The following KIAA1549L variants were observed in gnomAD, a reference collection of about 807,000 sequenced individuals.
KIAA1549L encodes KIAA1549 like.
Under a neutral mutation model 160.7 loss-of-function variants are expected in KIAA1549L, and 88 were observed. That is an observed-to-expected ratio of 0.55 (90% confidence interval 0.46 to 0.65). KIAA1549L has a LOEUF of 0.65. KIAA1549L is among the 30% of genes least tolerant of loss of function. KIAA1549L has a pLI of 0.00. For missense variants in KIAA1549L, 2,258 were observed against 2,437.5 expected (o/e 0.93, Z 1.55); for synonymous variants, 950 against 976.7 (o/e 0.97, Z 0.51).
chr11:33,433,874 T>TG (rs1408875491), intron 1 of KIAA1549L, among the ~76,000 whole-genome samples: 1 of 151,790 alleles, frequency 6.6e-6, no homozygotes, highest in African/African-American at 2.4e-5. Flanking sequence ...CACTCATAAG[T>TG]GGGAGTTGAA....
Position 33,658,897 on chromosome 11 carries a change from A to G in KIAA1549L, c.6006A>G (p.Ser2002=). Residue 2002 remains serine (S), a splice_region_variant and synonymous_variant, in exon 19 of 21, where the codon TCA becomes TCG. Coordinates refer to ENST00000658780, the MANE Select transcript of KIAA1549L (RefSeq NM_012194.3). The part of the protein sequence containing the change: ...TQLDQSALNY[S]GNTVPAVFAI... ...TGGATCAGTCGGCTTTAAATTACTCAGGTGGGCAAGAGAAAAGCCCGAGTG... is the reference window on the plus strand; with the variant it reads ...TGGATCAGTCGGCTTTAAATTACTCGGGTGGGCAAGAGAAAAGCCCGAGTG... 6.5e-7 allele frequency: 1 copy of G among 1,549,456 alleles called. No homozygotes were observed. Among genetic ancestry groups the G allele is most frequent in the Non-Finnish European group, 8.7e-7 (1 of 1,145,932 alleles).
At chr11:33,496,114 C>T (rs1385471949) in intron 1 of KIAA1549L, among the ~76,000 whole-genome samples, 6 of 152,128 alleles carry the variant, frequency 3.9e-5, no homozygotes. Flanking sequence ...CAGGCTCCTG[C>T]CACTACACCT....
Position 33,655,704 on chromosome 11 carries a change from C to T in KIAA1549L, c.5761-308C>T, listed in dbSNP as rs763798349. On this transcript the variant is annotated intron_variant, in intron 17 of 20. Transcript: ENST00000658780. The stretch of plus-strand genomic sequence containing the variant: ...CTGGGGCTGGATGAATGAAATGAAG[C>T]GTGAAGCCCTGGGAAGAATGGTGAG... Among the ~76,000 whole-genome samples the T allele has an allele frequency of 3.6e-4, 54 of 152,034 alleles. No individual in the cohort carries two copies. The Middle Eastern group carries it at 0.017, about 48-fold the overall frequency.
intron 1 of KIAA1549L, among the ~76,000 whole-genome samples, chr11:33,475,754 G>A (rs1852272814): frequency 6.6e-6 from 1 of 151,986 alleles, no homozygotes; most frequent in Non-Finnish European, 1.5e-5. Flanking sequence ...CTGCTCAGAA[G>A]GCTGAGGCAG....
intron 9 of KIAA1549L, among the ~76,000 whole-genome samples, chr11:33,571,982 G>A (rs1198303247): frequency 2.6e-5 from 4 of 151,502 alleles, no homozygotes; most frequent in East Asian, 1.9e-4. Flanking sequence ...AAGTTTAAAC[G>A]TCAAAAAGCC....
chr11:33,580,584 A>C (rs538080355), intron 10 of KIAA1549L, among the ~76,000 whole-genome samples: 1 of 144,182 alleles, frequency 6.9e-6, no homozygotes, highest in African/African-American at 2.9e-5. Flanking sequence ...AAAAAAAAAA[A>C]AAAAAAAGAA....
chr11:33,563,379 T>TG (rs1187433057), intron 8 of KIAA1549L, among the ~76,000 whole-genome samples: 7 of 140,092 alleles, frequency 5.0e-5, no homozygotes, highest in African/African-American at 1.6e-4. Flanking sequence ...GAATTGGAAG[T>TG]GGGGGGACAC....
At chr11:33,386,037 CTT>C (rs1850166257) in intron 1 of KIAA1549L, among the ~76,000 whole-genome samples, 1 of 152,108 alleles carries the variant, frequency 6.6e-6, no homozygotes, top group Non-Finnish European at 1.5e-5. Context: ...AATAAAGACA[CTT>C]TTCATTCTTT....
At chr11:33,387,123 T>C (rs1770158816) in intron 1 of KIAA1549L, among the ~76,000 whole-genome samples, 1 of 151,782 alleles carries the variant, frequency 6.6e-6, no homozygotes, top group African/African-American at 2.4e-5. Flanking sequence ...AAAAGATAAA[T>C]AAAATAAAAT....
rs560410109 is a variant in KIAA1549L at position 33,569,907 on chromosome 11, C to T, written c.4230+1680C>T. Among the ~76,000 whole-genome samples the T allele has an allele frequency of 3.3e-5, 5 of 152,220 alleles. No individual in the cohort carries two copies. In the East Asian group the frequency reaches 9.6e-4, roughly 29 times the overall value. On this transcript the variant is annotated intron_variant, in intron 9 of 20. Transcript: ENST00000658780. Reference sequence around the variant, plus strand: ...GCATCAGCCAAAGGGGGAGAAGGGGCCACCCTACAACCCTGGTGTTATTTG... The same window carrying T: ...GCATCAGCCAAAGGGGGAGAAGGGGTCACCCTACAACCCTGGTGTTATTTG...
chr11:33,547,934 T>A (rs886380425), intron 4 of KIAA1549L, 55 bp downstream of exon 4: 1 of 1,117,736 alleles, frequency 8.9e-7, no homozygotes, highest in Admixed American at 1.9e-5. Context: ...CTCTTGGGTC[T>A]AGAATATGTT....
At chr11:33,477,520 A>ACACACACACACAC (rs1554981526) in intron 1 of KIAA1549L, among the ~76,000 whole-genome samples, 29 of 147,010 alleles carry the variant, frequency 2.0e-4, no homozygotes, top group African/African-American at 7.2e-4. Flanking sequence ...CACACACACA[A>ACACACACACACAC]ACACACACAC....
At chr11:33,606,900 A>G (rs1480753996) in intron 14 of KIAA1549L, 78 bp downstream of exon 14, 12 of 1,269,570 alleles carry the variant, frequency 9.5e-6, no homozygotes, top group Admixed American at 2.4e-5. Context: ...ACACCTGTGA[A>G]TACTGGGTGC....
rs1477406091 is a variant in KIAA1549L at position 33,626,182 on chromosome 11, G to A, written c.5409+7520G>A. On this transcript the variant is annotated intron_variant, in intron 16 of 20. Transcript: ENST00000658780. ...CTGTAGCCTTGTAGTATAGTTTGAA[G>A]TCAGGTAGTGTGATGCCTCCAGCTT... Among the ~76,000 whole-genome samples the A allele has an allele frequency of 8.2e-3, 1,197 of 145,650 alleles. 9 individuals are homozygous for A. The highest frequency in any genetic ancestry group is 0.03 in the African/African-American group (1,154 of 38,234).
intron 1 of KIAA1549L, among the ~76,000 whole-genome samples, chr11:33,393,442 G>A (rs1323914337): frequency 6.6e-6 from 1 of 152,170 alleles, no homozygotes. Context: ...GTTCTCAAAA[G>A]GTAATCCCGG....
At chr11:33,631,236 C>G (rs1590417458) in intron 16 of KIAA1549L, among the ~76,000 whole-genome samples, 1 of 152,352 alleles carries the variant, frequency 6.6e-6, no homozygotes, top group South Asian at 2.1e-4. Flanking sequence ...CAGCTCAGCA[C>G]TTTTCTGCTC....
intron 2 of KIAA1549L, 59 bp from the exon 3 acceptor site, chr11:33,544,708 G>T: frequency 6.5e-7 from 1 of 1,533,958 alleles, no homozygotes; most frequent in Non-Finnish European, 8.8e-7. Flanking sequence ...TTCATCATCA[G>T]AACAAGTGAC....
intron 7 of KIAA1549L, among the ~76,000 whole-genome samples, chr11:33,561,038 G>A (rs1286835752): frequency 6.6e-6 from 1 of 152,200 alleles, no homozygotes; most frequent in Non-Finnish European, 1.5e-5. Context: ...GCCAGGCAAT[G>A]TACAAATCCC....
chr11:33,591,195 C>G, intron 11 of KIAA1549L, 42 bp from the exon 12 acceptor site: 1 of 1,495,646 alleles, frequency 6.7e-7, no homozygotes. Flanking sequence ...TAGAGTCACA[C>G]TTCGCTAGAA....
Sources: allele counts gnomAD v4.1 joint callset (sites outside exome capture counted in the v4.1 genomes callset), GRCh38; gene constraint gnomAD v4.1.1; transcripts MANE v1.5; gene names NCBI Gene and HGNC (gene_info 2026-07-23, HGNC 2026-07-21).